The following CMIP variants were observed in gnomAD, a reference collection of about 807,000 sequenced individuals.
CMIP encodes the protein c-Maf inducing protein.
In CMIP, 13 loss-of-function variants were observed where a neutral mutation model predicts 97.3. The ratio of observed to expected loss-of-function variants is 0.13; its 90% CI spans 0.09 to 0.21. The LOEUF (loss-of-function observed/expected upper bound fraction) is 0.21. Among genes scored for constraint, CMIP ranks in the 10% least tolerant of loss-of-function variants. The pLI is 1.00. For synonymous variants in CMIP, 538 were observed against 436.3 expected (o/e 1.23, Z -2.91); for missense variants, 847 against 1,024.9 (o/e 0.83, Z 2.37).
chr16:81,520,920 T>C (rs1279859465), intron 1 of CMIP, among the ~76,000 whole-genome samples: 4 of 152,004 alleles, frequency 2.6e-5, no homozygotes, highest in Non-Finnish European at 5.9e-5. Context: ...CTGTCGTGAG[T>C]GTGTGGCTAA....
chr16:81,547,497 G>C (rs928781799), intron 1 of CMIP, among the ~76,000 whole-genome samples: 13 of 152,284 alleles, frequency 8.5e-5, no homozygotes, highest in African/African-American at 2.4e-4. Context: ...TCAGAGGAGG[G>C]CCTGGTTTGC....
chr16:81,582,209 T>C (rs2091307651), intron 1 of CMIP, among the ~76,000 whole-genome samples: 2 of 152,168 alleles, frequency 1.3e-5, no homozygotes, highest in Admixed American at 6.5e-5. Context: ...TTGGGGATTA[T>C]AATTGAACAT....
At chr16:81,662,018 T>A (rs1420564244) in intron 6 of CMIP, among the ~76,000 whole-genome samples, 1 of 152,050 alleles carries the variant, frequency 6.6e-6, no homozygotes, top group Non-Finnish European at 1.5e-5. Context: ...TGTATACAGG[T>A]GTGGATACAC....
At chr16:81,702,884 T>C (rs1907577743) in intron 17 of CMIP, among the ~76,000 whole-genome samples, 1 of 152,044 alleles carries the variant, frequency 6.6e-6, no homozygotes, top group African/African-American at 2.4e-5. Context: ...ATGATACAGA[T>C]TGTTGGTGAT....
chr16:81,522,663 C>T (rs1383706610), intron 1 of CMIP, among the ~76,000 whole-genome samples: 2 of 152,196 alleles, frequency 1.3e-5, no homozygotes, highest in African/African-American at 2.4e-5. Flanking sequence ...GCAAAAGCCA[C>T]AAAGATTAGT....
intron 1 of CMIP, among the ~76,000 whole-genome samples, chr16:81,549,392 C>G (rs1457046969): frequency 6.6e-6 from 1 of 152,190 alleles, no homozygotes; most frequent in African/African-American, 2.4e-5. Context: ...CTTTGTCACC[C>G]ATGAGGTCAG....
intron 3 of CMIP, among the ~76,000 whole-genome samples, chr16:81,639,018 C>T (rs1023335411): frequency 6.6e-6 from 1 of 152,158 alleles, no homozygotes; most frequent in Admixed American, 6.5e-5. Flanking sequence ...GAGAGCCTTT[C>T]CAGAATGCCG....
intron 1 of CMIP, among the ~76,000 whole-genome samples, chr16:81,575,195 CCA>C (rs1028650857): frequency 6.6e-6 from 1 of 152,188 alleles, no homozygotes; most frequent in African/African-American, 2.4e-5. Context: ...ATTATTATCC[CCA>C]GTTTATGGAG....
intron 2 of CMIP, among the ~76,000 whole-genome samples, chr16:81,612,459 G>T (rs1356515229): frequency 6.6e-6 from 1 of 152,164 alleles, no homozygotes; most frequent in African/African-American, 2.4e-5. Flanking sequence ...CTTACTGGAA[G>T]GTAGCAAGCA....
At chr16:81,669,450 T>C in intron 7 of CMIP, among the ~76,000 whole-genome samples, 1 of 91,570 alleles carries the variant, frequency 1.1e-5, no homozygotes, top group Admixed American at 1.2e-4. Flanking sequence ...CTCACCTCCT[T>C]CCACATCCAC....
chr16:81,593,652 C>T (rs1184207249), intron 1 of CMIP, among the ~76,000 whole-genome samples: 2 of 152,124 alleles, frequency 1.3e-5, no homozygotes, highest in Non-Finnish European at 2.9e-5. Flanking sequence ...GTATTGAGTG[C>T]CCGCCGACCA....
chr16:81,673,487 G>C (rs1338595123), intron 9 of CMIP, among the ~76,000 whole-genome samples: 1 of 152,026 alleles, frequency 6.6e-6, no homozygotes, highest in Non-Finnish European at 1.5e-5. Flanking sequence ...CTGCACTCCA[G>C]CCTGTGCAAC....
chr16:81,456,320 G>C (rs913574240), intron 1 of CMIP, among the ~76,000 whole-genome samples: 1 of 152,290 alleles, frequency 6.6e-6, no homozygotes, highest in East Asian at 1.9e-4. Flanking sequence ...CATCAGCCCC[G>C]TGAGGCGTTA....
At position 81,695,176 on chromosome 16, in the gene CMIP, C is replaced by A. The variant is rs4423412; in HGVS notation, c.1531-1384C>A. Among the ~76,000 whole-genome samples the A allele has an allele frequency of 5.8e-3, 879 of 152,356 alleles. 12 individuals are homozygous for A. Among genetic ancestry groups the A allele is most frequent in the African/African-American group, 0.02 (837 of 41,584 alleles). On this transcript the variant is annotated intron_variant, in intron 13 of 20. Coordinates refer to ENST00000537098, the MANE Select transcript of CMIP (RefSeq NM_198390.3). ...GCCAGCTCCCCTGGCCAAGGTCCCA[C>A]ACCCAGGCCCTTGTTCTCCTGTTTG...
chr16:81,541,508 C>T (rs995391547), intron 1 of CMIP, among the ~76,000 whole-genome samples: 13 of 152,154 alleles, frequency 8.5e-5, no homozygotes, highest in South Asian at 6.2e-4. Flanking sequence ...CACGCTTCTT[C>T]CATGAGTTGA....
chr16:81,673,042 A>C (rs896882807), intron 9 of CMIP, among the ~76,000 whole-genome samples: 2 of 152,178 alleles, frequency 1.3e-5, no homozygotes, highest in African/African-American at 2.4e-5. Flanking sequence ...AGAGCAATAA[A>C]ACCGAGTGGT....
chr16:81,462,663 T>C (rs1407766127), intron 1 of CMIP, among the ~76,000 whole-genome samples: 2 of 152,214 alleles, frequency 1.3e-5, no homozygotes, highest in Non-Finnish European at 1.5e-5. Flanking sequence ...TTTTCTTTTA[T>C]CCCAGTCTGG....
At chr16:81,534,772 A>C (rs964403616) in intron 1 of CMIP, among the ~76,000 whole-genome samples, 2 of 152,108 alleles carry the variant, frequency 1.3e-5, no homozygotes, top group African/African-American at 4.8e-5. Context: ...TAGTTAATGG[A>C]TTGTCTGTTA....
rs186754694 is a variant in CMIP at position 81,472,973 on chromosome 16, G to T, written c.300+27432G>T. Among the ~76,000 whole-genome samples the T allele has an allele frequency of 5.1e-4, 78 of 152,322 alleles. 2 individuals carry two copies. Among genetic ancestry groups the T allele is most frequent in the Admixed American group, 9.2e-4 (14 of 15,300 alleles). On this transcript the variant is annotated intron_variant, in intron 1 of 20. Coordinates refer to ENST00000537098, the MANE Select transcript of CMIP (RefSeq NM_198390.3). ...GTTTAACTGCTTGCCCTGAAGGTGC[G>T]AGGAGAGCCTGTTCGCCTTGCATCC...
Sources: gnomAD v4.1 joint callset for allele counts (sites outside exome capture counted in the v4.1 genomes callset) on GRCh38, gnomAD v4.1.1 for gene constraint, MANE v1.5 for transcripts, NCBI Gene and HGNC (gene_info 2026-07-23, HGNC 2026-07-21) for gene names.